VPS50: variants seen among roughly 807,000 people sequenced by gnomAD.
VPS50 encodes syndetin.
VPS50 carries 70 observed loss-of-function variants against 139.7 expected under a neutral mutation model. The ratio of observed to expected loss-of-function variants is 0.50; its 90% CI spans 0.41 to 0.61. VPS50 has a LOEUF of 0.61. VPS50 is among the 20% of genes least tolerant of loss of function. The pLI is 0.00. For synonymous variants in VPS50, 365 were observed against 376.7 expected (o/e 0.97, Z 0.36); for missense variants, 921 against 1,133.7 (o/e 0.81, Z 2.69).
intron 9 of VPS50, among the ~76,000 whole-genome samples, chr7:93,265,801 A>C (rs1382421080): frequency 6.6e-6 from 1 of 152,138 alleles, no homozygotes; most frequent in South Asian, 2.1e-4. Context: ...TCCTGACCTC[A>C]GATGATCCAC....
At chr7:93,266,315 C>G (rs143883860) in intron 9 of VPS50, among the ~76,000 whole-genome samples, 1 of 152,122 alleles carries the variant, frequency 6.6e-6, no homozygotes, top group African/African-American at 2.4e-5. Context: ...ATCTGGCCCA[C>G]CTTTATGTAG....
At chr7:93,297,721 A>C (rs1796852654) in intron 16 of VPS50, among the ~76,000 whole-genome samples, 1 of 152,184 alleles carries the variant, frequency 6.6e-6, no homozygotes, top group African/African-American at 2.4e-5. Flanking sequence ...TGCTTTGCAA[A>C]ACAATCACTG....
In VPS50 at chr7:93,257,479, G is replaced by T; in HGVS notation, c.422+15G>T. 1 of 1,496,506 alleles carries T rather than the reference G, an allele frequency of 6.7e-7. No homozygotes were observed. The highest frequency in any genetic ancestry group is 1.4e-5 in the African/African-American group (1 of 72,056). The allele number at this position is 1,496,506 out of a possible 1,614,324, so 92.7% of individuals were successfully genotyped here. ...AATGGGAGAAGGTATTGCTTTTGATGATATTTTGTTCTTTAAGCTGAACAA... is the reference window on the plus strand; with the variant it reads ...AATGGGAGAAGGTATTGCTTTTGATTATATTTTGTTCTTTAAGCTGAACAA... On this transcript the variant is annotated intron_variant, in intron 6 of 27. Transcript: ENST00000305866.
At chr7:93,285,918 C>T (rs374416135) in intron 12 of VPS50, among the ~76,000 whole-genome samples, 1 of 152,064 alleles carries the variant, frequency 6.6e-6, no homozygotes. Context: ...ATTTGTTTAC[C>T]TTTTATGATC....
chr7:93,313,280 G>C (rs1025353850), intron 20 of VPS50, among the ~76,000 whole-genome samples: 3 of 152,210 alleles, frequency 2.0e-5, no homozygotes, highest in Non-Finnish European at 4.4e-5. Flanking sequence ...GTCAAGGGAA[G>C]TGGGCAGGGC....
intron 8 of VPS50, among the ~76,000 whole-genome samples, chr7:93,258,892 T>C (rs1348765180): frequency 6.6e-6 from 1 of 152,050 alleles, no homozygotes; most frequent in East Asian, 1.9e-4. Flanking sequence ...GTAGGTACTT[T>C]GTCATTATCA....
In VPS50 at chr7:93,305,957, G is replaced by A; in HGVS notation, c.1582G>A (p.Ala528Thr). The change falls in exon 18 of 28, where the codon GCC becomes ACC. Residue 528 changes from alanine (A) to threonine (T), a missense_variant. This residue lies in a region of VPS50 where 744 missense variants were observed against 930.6 expected (regional missense o/e 0.80). Coordinates refer to ENST00000305866, the MANE Select transcript of VPS50 (RefSeq NM_017667.4). ...CSGGNPFEIQ[A>T]NHKDEETEDV... ...TGGTGGGAATCCATTTGAAATTCAG[G>A]CCAACCACAAAGATGAAGAAACAGA... The A allele has an allele frequency of 1.2e-6, 2 of 1,612,418 alleles. No individual in the cohort carries two copies. Among genetic ancestry groups the A allele is most frequent in the Middle Eastern group, 1.7e-4 (1 of 6,054 alleles).
At chr7:93,341,821 A>G (rs774296300) in intron 23 of VPS50, among the ~76,000 whole-genome samples, 2 of 152,252 alleles carry the variant, frequency 1.3e-5, no homozygotes, top group Non-Finnish European at 2.9e-5. Flanking sequence ...AACATGATCC[A>G]TGCTTTAAGT....
intron 24 of VPS50, among the ~76,000 whole-genome samples, 166 bp downstream of exon 24, chr7:93,348,973 A>G (rs1037634880): frequency 1.3e-5 from 2 of 152,192 alleles, no homozygotes; most frequent in Non-Finnish European, 2.9e-5. Flanking sequence ...TTAAATACAT[A>G]CTATCGAGCA....
intron 10 of VPS50, 28 bp from the exon 11 acceptor site, chr7:93,272,607 T>A (rs762117973): frequency 3.1e-6 from 3 of 966,574 alleles, no homozygotes; most frequent in Non-Finnish European, 4.7e-6. Context: ...TCCTTAACCA[T>A]GTCTTGCTTC....
chr7:93,339,787 TTGAG>T (rs1255646668), intron 22 of VPS50, among the ~76,000 whole-genome samples: 1 of 152,146 alleles, frequency 6.6e-6, no homozygotes, highest in African/African-American at 2.4e-5. Context: ...TTTTAAAACT[TTGAG>T]TGGGGGCAGG....
intron 20 of VPS50, among the ~76,000 whole-genome samples, chr7:93,314,665 A>G (rs892516758): frequency 3.9e-5 from 6 of 152,178 alleles, no homozygotes; most frequent in African/African-American, 1.4e-4. Flanking sequence ...CCACTTTAGT[A>G]GCTAGAAAAA....
rs576517405 is a variant in VPS50, at chr7:93,298,172, T to C, written c.1361+929T>C. ...TAATTGTAAACAATGAAGTAAATTG[T>C]TTGAAAAAGATTTAAATTGAACTAT... On this transcript the variant is annotated intron_variant, in intron 16 of 27. Coordinates refer to ENST00000305866, the MANE Select transcript of VPS50 (RefSeq NM_017667.4). Among the ~76,000 whole-genome samples the C allele has an allele frequency of 8.8e-4, 134 of 152,240 alleles. No individual in the cohort carries two copies. The Middle Eastern group carries it at 0.01, about 12-fold the overall frequency.
intron 12 of VPS50, among the ~76,000 whole-genome samples, chr7:93,277,722 T>C (rs1796202241): frequency 6.6e-6 from 1 of 152,232 alleles, no homozygotes; most frequent in Non-Finnish European, 1.5e-5. Flanking sequence ...TTATGATTAC[T>C]AACTTTAAGT....
At chr7:93,282,176 C>T (rs549393065) in intron 12 of VPS50, among the ~76,000 whole-genome samples, 1 of 151,762 alleles carries the variant, frequency 6.6e-6, no homozygotes, top group African/African-American at 2.4e-5. Context: ...TGCACTCCAG[C>T]CTGGGGGACA....
intron 16 of VPS50, among the ~76,000 whole-genome samples, chr7:93,297,905 C>T (rs959860214): frequency 1.3e-5 from 2 of 152,100 alleles, no homozygotes; most frequent in Admixed American, 6.6e-5. Flanking sequence ...CCCTTTTGTC[C>T]TTTGAGTTGA....
At chr7:93,264,096 C>T (rs748977561) in intron 9 of VPS50, among the ~76,000 whole-genome samples, 6 of 152,030 alleles carry the variant, frequency 3.9e-5, no homozygotes, top group African/African-American at 7.2e-5. Context: ...GAATAATCCC[C>T]CACATAGACT....
intron 18 of VPS50, 79 bp downstream of exon 18, chr7:93,306,083 A>G (rs1797108579): frequency 9.8e-7 from 1 of 1,024,428 alleles, no homozygotes. Context: ...AATTCACTAC[A>G]TTTACGTATC....
At chr7:93,280,990 A>G (rs1178560800) in intron 12 of VPS50, among the ~76,000 whole-genome samples, 1 of 152,250 alleles carries the variant, frequency 6.6e-6, no homozygotes, top group Non-Finnish European at 1.5e-5. Flanking sequence ...AAATTATTTC[A>G]TTATGTGTTT....
Sources: gnomAD v4.1 joint callset for allele counts (sites outside exome capture counted in the v4.1 genomes callset) on GRCh38, gnomAD v4.1.1 for gene constraint, gnomAD v4.1.1 regional missense constraint, MANE v1.5 for transcripts, NCBI Gene and HGNC (gene_info 2026-07-23, HGNC 2026-07-21) for gene names.